Variants in AHI1 observed in about 807,000 individuals in gnomAD.
The protein encoded by AHI1 is Abelson helper integration site 1, also known as jouberin.
AHI1 carries 123 observed loss-of-function variants against 149.3 expected under a neutral mutation model. The observed-to-expected ratio is 0.82, with a 90% CI of 0.71 to 0.96. The LOEUF (loss-of-function observed/expected upper bound fraction) is 0.96. AHI1 is among the 40% of genes least tolerant of loss of function. The probability of loss-of-function intolerance (pLI) is 0.00; values close to 1 mark genes in which losing one functional copy is unlikely to be tolerated. For synonymous variants in AHI1, 475 were observed against 459.8 expected (o/e 1.03, Z -0.42); for missense variants, 1,439 against 1,422.7 (o/e 1.01, Z -0.18).
At chr6:135,458,681 C>T (rs186308181) in intron 8 of AHI1, among the ~76,000 whole-genome samples, 121 of 152,184 alleles carry the variant, frequency 8.0e-4, no homozygotes, top group Admixed American at 1.4e-3. Flanking sequence ...GAGAAACCAG[C>T]GGATATTTTG....
At chr6:135,318,271 TG>T in intron 26 of AHI1, among the ~76,000 whole-genome samples, 1 of 152,210 alleles carries the variant, frequency 6.6e-6, no homozygotes, top group East Asian at 1.9e-4. Flanking sequence ...AGTTCTACTT[TG>T]GGTCCTTGTC....
At chr6:135,470,681 G>A (rs768427656) in intron 5 of AHI1, among the ~76,000 whole-genome samples, 1 of 151,446 alleles carries the variant, frequency 6.6e-6, no homozygotes, top group African/African-American at 2.4e-5. Flanking sequence ...TGGATAAAAC[G>A]CAGGAACAGA....
intron 4 of AHI1, among the ~76,000 whole-genome samples, chr6:135,491,089 T>A (rs978991591): frequency 3.9e-5 from 6 of 152,194 alleles, no homozygotes; most frequent in African/African-American, 1.2e-4. Context: ...ATTTTCCTTA[T>A]CTGTAAAATC....
At chr6:135,329,644 C>A (rs567307866) in intron 24 of AHI1, among the ~76,000 whole-genome samples, 1 of 152,292 alleles carries the variant, frequency 6.6e-6, no homozygotes, top group African/African-American at 2.4e-5. Context: ...CATTCTGCAG[C>A]CCATGGATCA....
rs776421944 is a variant in AHI1 at position 135,320,222 on chromosome 6, GT to G, written c.3329-1607del. 4.9e-4 allele frequency among the ~76,000 whole-genome samples: 73 copies of G among 149,934 alleles called. 1 individual carries two copies. The highest frequency in any genetic ancestry group is 2.3e-3 in the South Asian group (11 of 4,740). ...TCATTACAGTCGCAGATTTTTCTAA[GT>G]TTTTTTTTTTTGTTTGTTCTGGTCT... On this transcript the variant is annotated intron_variant, in intron 25 of 28. Coordinates refer to ENST00000265602, the MANE Select transcript of AHI1 (RefSeq NM_001134831.2).
chr6:135,415,100 A>G (rs7453721), intron 20 of AHI1, among the ~76,000 whole-genome samples: 140,208 of 151,614 alleles, frequency 0.92, 64,997 homozygotes, highest in East Asian at 0.97. Flanking sequence ...TGCTGAGAAT[A>G]ATGATTTCCA....
Position 135,395,015 on chromosome 6 carries a change from T to G in AHI1, c.2989-119A>C, listed in dbSNP as rs1436959420. 3.1e-6 allele frequency: 3 copies of G among 955,784 alleles called. No homozygotes were observed. The African/African-American group carries it at 5.0e-5, about 16-fold the overall frequency. 59.2% of individuals were successfully genotyped at this position (955,784 alleles called of 1,614,324 possible). A position where few individuals can be genotyped will look rare whatever the true frequency, so the allele number is the denominator to read the frequency against. On this transcript the variant is annotated intron_variant, in intron 22 of 28. Coordinates refer to ENST00000265602, the MANE Select transcript of AHI1 (RefSeq NM_001134831.2). ...AGGACACATGATAGGTCAAAAGGAG[T>G]GGTAATGATGTACATGGTTAGTTTG...
rs150142950 is a variant in AHI1, at chr6:135,428,262, T to C, written c.2623+367A>G. Among the ~76,000 whole-genome samples, 383 of 151,784 alleles carry C rather than the reference T, an allele frequency of 2.5e-3. 1 individual carries two copies. The highest frequency in any genetic ancestry group is 9.0e-3 in the African/African-American group (375 of 41,540). On this transcript the variant is annotated intron_variant, in intron 19 of 28. Coordinates refer to ENST00000265602, the MANE Select transcript of AHI1 (RefSeq NM_001134831.2). ...TTTCCGTTACTAATGAAAATATAGA[T>C]GTTTAACAATTTGTCTACCTAATCA...
At chr6:135,455,975 G>A in intron 9 of AHI1, 49 bp from the exon 10 acceptor site, 3 of 1,278,348 alleles carry the variant, frequency 2.3e-6, no homozygotes, top group Non-Finnish European at 3.1e-6. Context: ...TAATTTTGAG[G>A]TGAGAAAAAA....
intron 27 of AHI1, chr6:135,297,356 T>A: frequency 2.2e-6 from 1 of 452,278 alleles, no homozygotes; most frequent in Non-Finnish European, 4.4e-6. Flanking sequence ...CATAGCCGTA[T>A]GCTCCTTTAA....
At chr6:135,317,087 G>C (rs2128374066) in intron 26 of AHI1, among the ~76,000 whole-genome samples, 1 of 152,086 alleles carries the variant, frequency 6.6e-6, no homozygotes, top group Admixed American at 6.6e-5. Flanking sequence ...TATGTCCCCT[G>C]ACCTCCATCC....
intron 23 of AHI1, among the ~76,000 whole-genome samples, chr6:135,367,655 T>A (rs947658776): frequency 1.3e-5 from 2 of 152,188 alleles, no homozygotes; most frequent in East Asian, 1.9e-4. Flanking sequence ...GGTAAGACTT[T>A]CCAGTGTATT....
At chr6:135,330,572 GTGA>G (rs1179044416) in intron 24 of AHI1, among the ~76,000 whole-genome samples, 1 of 152,172 alleles carries the variant, frequency 6.6e-6, no homozygotes, top group Non-Finnish European at 1.5e-5. Context: ...TTGTTTCACT[GTGA>G]TATTCACGGT....
At chr6:135,323,642 T>A (rs1378106055) in intron 24 of AHI1, among the ~76,000 whole-genome samples, 2 of 152,256 alleles carry the variant, frequency 1.3e-5, no homozygotes. Context: ...TTTACTTTTT[T>A]AGAATTGTTT....
intron 22 of AHI1, among the ~76,000 whole-genome samples, chr6:135,395,636 G>A (rs916298097): frequency 6.6e-6 from 1 of 151,732 alleles, no homozygotes; most frequent in Non-Finnish European, 1.5e-5. Flanking sequence ...AATTCATCTT[G>A]TAAATCAGAA....
At chr6:135,382,936 T>A (rs1263095366) in intron 23 of AHI1, among the ~76,000 whole-genome samples, 73 of 108,912 alleles carry the variant, frequency 6.7e-4, no homozygotes, top group African/African-American at 1.8e-3. Context: ...AATATATATA[T>A]ATATATATAT....
intron 25 of AHI1, among the ~76,000 whole-genome samples, chr6:135,321,867 T>A (rs188888592): frequency 1.2e-4 from 19 of 152,280 alleles, no homozygotes; most frequent in Non-Finnish European, 2.1e-4. Context: ...AGTGGCACGA[T>A]CTTGGCTCAC....
At chr6:135,432,276 C>T (rs1784773822) in intron 16 of AHI1, among the ~76,000 whole-genome samples, 1 of 152,140 alleles carries the variant, frequency 6.6e-6, no homozygotes, top group Admixed American at 6.6e-5. Context: ...TAAAAAGTGA[C>T]TATTTAATAG....
At chr6:135,343,343 A>G (rs889081174) in intron 24 of AHI1, among the ~76,000 whole-genome samples, 3 of 151,958 alleles carry the variant, frequency 2.0e-5, no homozygotes, top group African/African-American at 7.2e-5. Flanking sequence ...AATTTAATCT[A>G]TGAATTCAAT....
Sources: gnomAD v4.1 joint callset for allele counts (sites outside exome capture counted in the v4.1 genomes callset) on GRCh38, gnomAD v4.1.1 for gene constraint, MANE v1.5 for transcripts, NCBI Gene and HGNC (gene_info 2026-07-23, HGNC 2026-07-21) for gene names.